TANC1: variants seen among roughly 807,000 people sequenced by gnomAD.
TANC1 encodes tetratricopeptide repeat, ankyrin repeat and coiled-coil containing 1, also known as protein TANC1.
In TANC1, 77 loss-of-function variants were observed where a neutral mutation model predicts 149.7. The observed-to-expected ratio is 0.51, with a 90% CI of 0.43 to 0.62. TANC1 has a LOEUF of 0.62. Ranked by LOEUF, TANC1 falls within the 20% of genes least tolerant of loss-of-function variation. The probability of loss-of-function intolerance (pLI) is 0.00; values close to 1 mark genes in which losing one functional copy is unlikely to be tolerated. For missense variants in TANC1, 1,985 were observed against 2,321.8 expected (o/e 0.85, Z 2.98); for synonymous variants, 854 against 925.0 (o/e 0.92, Z 1.39).
intron 2 of TANC1, among the ~76,000 whole-genome samples, chr2:159,032,148 A>C (rs775039871): frequency 8.5e-5 from 13 of 152,230 alleles, no homozygotes; most frequent in Non-Finnish European, 1.6e-4. Context: ...GGCATAGTCC[A>C]TCTGCTCAAA....
At chr2:159,086,382 G>A (rs981004901) in intron 3 of TANC1, among the ~76,000 whole-genome samples, 9 of 152,114 alleles carry the variant, frequency 5.9e-5, no homozygotes, top group African/African-American at 2.2e-4. Context: ...ACTTCATTGT[G>A]AGAACAATCA....
chr2:159,026,226 T>A (rs1469557486), intron 2 of TANC1, among the ~76,000 whole-genome samples: 1 of 152,208 alleles, frequency 6.6e-6, no homozygotes, highest in East Asian at 1.9e-4. Flanking sequence ...AGCCACTGTG[T>A]CTGGCCTTGC....
intron 2 of TANC1, among the ~76,000 whole-genome samples, chr2:159,052,330 T>C (rs151246295): frequency 1.7e-4 from 26 of 152,308 alleles, no homozygotes; most frequent in African/African-American, 6.0e-4. Flanking sequence ...TCTTGATAAA[T>C]AGGGCTTTTA....
chr2:159,083,317 G>A (rs1325027332), intron 3 of TANC1, among the ~76,000 whole-genome samples: 1 of 151,644 alleles, frequency 6.6e-6, no homozygotes, highest in Non-Finnish European at 1.5e-5. Context: ...TCACTGGTAT[G>A]CTGTTTGTTC....
chr2:159,108,977 G>C (rs2047455804), intron 4 of TANC1, among the ~76,000 whole-genome samples: 1 of 152,210 alleles, frequency 6.6e-6, no homozygotes, highest in Non-Finnish European at 1.5e-5. Flanking sequence ...AGGGCTCTGA[G>C]AAGTATAATT....
intron 2 of TANC1, among the ~76,000 whole-genome samples, chr2:159,013,306 C>T (rs895500769): frequency 6.6e-6 from 1 of 152,038 alleles, no homozygotes; most frequent in Non-Finnish European, 1.5e-5. Flanking sequence ...AATTGTGTCT[C>T]GAGAGGGTGA....
At chr2:159,176,000 G>A (rs1179674249) in intron 12 of TANC1, among the ~76,000 whole-genome samples, 3 of 152,124 alleles carry the variant, frequency 2.0e-5, no homozygotes, top group African/African-American at 7.2e-5. Context: ...TCTCATGGGG[G>A]GACCTAGTGA....
intron 1 of TANC1, among the ~76,000 whole-genome samples, chr2:158,980,792 T>A (rs1003170254): frequency 6.7e-6 from 1 of 148,772 alleles, no homozygotes; most frequent in Non-Finnish European, 1.5e-5. Context: ...AAAAAAAAAA[T>A]TCTCCCTTAA....
Position 159,186,983 on chromosome 2 carries a change from G to T in TANC1, c.2701G>T (p.Ala901Ser), listed in dbSNP as rs200861559. The change falls in exon 16 of 27, where the codon GCC (alanine) becomes TCC (serine). Residue 901 changes from alanine (A) to serine (S), a missense_variant. By Grantham distance (99) the Ala-to-Ser change is moderately conservative. Coordinates refer to ENST00000263635, the MANE Select transcript of TANC1 (RefSeq NM_033394.3). ...CTACAGCACCGAGGGGCTGTCCGCC[G>T]CCCTGGCCTCTCTCAGGAATCTCTA... The part of the protein sequence containing the change: ...IGYSTEGLSA[A>S]LASLRNLYTP... 93 of 1,614,046 alleles carry T rather than the reference G, an allele frequency of 5.8e-5. No individual in the cohort carries two copies. In the African/African-American group the frequency reaches 1.1e-3, roughly 20 times the overall value.
At chr2:159,015,450 G>T in intron 2 of TANC1, among the ~76,000 whole-genome samples, 1 of 152,210 alleles carries the variant, frequency 6.6e-6, no homozygotes. Context: ...CTGCCATGAA[G>T]ACCTCTGATA....
intron 13 of TANC1, among the ~76,000 whole-genome samples, chr2:159,178,122 G>A (rs2056075088): frequency 6.6e-6 from 1 of 152,272 alleles, no homozygotes; most frequent in African/African-American, 2.4e-5. Flanking sequence ...CATAAAGAAG[G>A]ATGTCTTTTA....
chr2:158,981,531 AT>A (rs2034373216), intron 1 of TANC1, among the ~76,000 whole-genome samples: 2 of 125,804 alleles, frequency 1.6e-5, no homozygotes, highest in Admixed American at 8.1e-5. Context: ...ATATATATAT[AT>A]ATATATATAT....
At chr2:158,997,653 C>G (rs932741267) in intron 1 of TANC1, among the ~76,000 whole-genome samples, 2 of 152,160 alleles carry the variant, frequency 1.3e-5, no homozygotes, top group African/African-American at 4.8e-5. Flanking sequence ...CAGCCAACCT[C>G]AAAGAGCTCC....
chr2:159,136,047 TGTGCGC>T (rs1553568360), intron 4 of TANC1, 141 bp from the exon 5 acceptor site: 1 of 210,232 alleles, frequency 4.8e-6, no homozygotes, highest in South Asian at 3.7e-5. Flanking sequence ...TGTGTGTGTG[TGTGCGC>T]GCGCGCGCGT....
chr2:159,160,180 G>C (rs2150382259), intron 7 of TANC1, among the ~76,000 whole-genome samples: 1 of 152,266 alleles, frequency 6.6e-6, no homozygotes, highest in African/African-American at 2.4e-5. Flanking sequence ...TCTCGAGGGT[G>C]GCTGAGACCC....
At chr2:159,063,729 G>A (rs2042431021) in intron 2 of TANC1, among the ~76,000 whole-genome samples, 2 of 152,168 alleles carry the variant, frequency 1.3e-5, no homozygotes, top group Non-Finnish European at 2.9e-5. Flanking sequence ...TTTCACTTAA[G>A]ACCACTGATG....
At chr2:159,195,301 G>A (rs954503479) in intron 17 of TANC1, among the ~76,000 whole-genome samples, 3 of 152,158 alleles carry the variant, frequency 2.0e-5, no homozygotes, top group Admixed American at 2.0e-4. Context: ...TGTATTTTTA[G>A]TACAGATGGG....
intron 22 of TANC1, among the ~76,000 whole-genome samples, chr2:159,220,327 A>G (rs1030126383): frequency 4.0e-5 from 6 of 151,876 alleles, no homozygotes; most frequent in Non-Finnish European, 5.9e-5. Context: ...TTTTTTCCCA[A>G]GATGGAGTCT....
At chr2:159,117,701 CTTTTTTTTTTTTTTTTTT>C (rs59509568) in intron 4 of TANC1, among the ~76,000 whole-genome samples, 9 of 113,282 alleles carry the variant, frequency 7.9e-5, no homozygotes, top group Admixed American at 2.0e-4. Context: ...CGGCCTATTC[CTTTTTTTTTTTTTTTTTT>C]TTTTTTTTTT....
Sources: allele counts gnomAD v4.1 joint callset (sites outside exome capture counted in the v4.1 genomes callset), GRCh38; gene constraint gnomAD v4.1.1; transcripts MANE v1.5; gene names NCBI Gene and HGNC (gene_info 2026-07-23, HGNC 2026-07-21).